The following DCUN1D2 variants were observed in gnomAD, a reference collection of about 807,000 sequenced individuals.
The protein encoded by DCUN1D2 is DCN1-like protein 2.
In DCUN1D2, 29 loss-of-function variants were observed where a neutral mutation model predicts 30.9. The observed-to-expected ratio is 0.94, with a 90% confidence interval of 0.70 to 1.28. DCUN1D2 has a LOEUF of 1.28. Among genes scored for constraint, DCUN1D2 ranks in the 50% most tolerant of loss-of-function variants. DCUN1D2 has a pLI of 0.00. For missense variants in DCUN1D2, 325 were observed against 316.9 expected, an observed-to-expected ratio of 1.03 and a Z score of -0.19; for synonymous variants, 121 against 115.3, an observed-to-expected ratio of 1.05 and a Z score of -0.32.
chr13:113,470,717 TACCCAACTCCACAAGGG>T (rs2044490044), intron 4 of DCUN1D2, among the ~76,000 whole-genome samples: 6 of 45,400 alleles, frequency 1.3e-4, no homozygotes, highest in Admixed American at 2.6e-4. Flanking sequence ...CTCCACAGAA[TACCCAACTCCACAAGGG>T]ACCCAACTCC....
chr13:113,461,392 T>C (rs2044315867), intron 4 of DCUN1D2, among the ~76,000 whole-genome samples: 1 of 152,234 alleles, frequency 6.6e-6, no homozygotes, highest in Admixed American at 6.5e-5. Context: ...CCCTAATTAA[T>C]CAGTTTTGGA....
chr13:113,458,582 G>A (rs1006035240), intron 6 of DCUN1D2, among the ~76,000 whole-genome samples: 4 of 152,228 alleles, frequency 2.6e-5, no homozygotes, highest in African/African-American at 4.8e-5. Flanking sequence ...CCTGGAAGCC[G>A]CGCTTCTGTC....
intron 4 of DCUN1D2, among the ~76,000 whole-genome samples, chr13:113,471,744 G>A (rs550744245): frequency 6.6e-6 from 1 of 152,326 alleles, no homozygotes; most frequent in South Asian, 2.1e-4. Flanking sequence ...AGAAAGTGGA[G>A]CGACACACTT....
At position 113,474,229 on chromosome 13, in the gene DCUN1D2, C is replaced by T; in HGVS notation, c.415G>A (p.Ala139Thr). 1 of 1,613,998 alleles carries T rather than the reference C, an allele frequency of 6.2e-7. No individual in the cohort carries two copies. The highest frequency in any genetic ancestry group is 8.5e-7 in the Non-Finnish European group (1 of 1,179,910). ...LGCDSMEKLK[A>T]LLPRLEQELK... ...TCCTGCTCCAGTCTTGGCAGAAGAG[C>T]CTTTAGCTTCTCCATGCTGTCACAC... The change falls in exon 4 of 7, where the codon GCT (alanine) becomes ACT (threonine). Residue 139 changes from alanine (A) to threonine (T), a missense_variant. Physicochemically the swap from Ala to Thr is moderately conservative, Grantham distance 58. Coordinates refer to ENST00000478244, the MANE Select transcript of DCUN1D2 (RefSeq NM_001014283.2).
rs755361384 is a variant in DCUN1D2 at position 113,459,307 on chromosome 13, G to C, written c.700+5C>G. The C allele has an allele frequency of 6.6e-7, 1 of 1,524,718 alleles. No homozygotes were observed. The highest frequency in any genetic ancestry group is 1.7e-5 in the Admixed American group (1 of 59,780). 94.4% of individuals were successfully genotyped at this position (1,524,718 alleles called of 1,614,324 possible). Reference sequence around the variant, plus strand: ...GTCAATCATCTGAAGCACAACTTCCGGTACCTTCTTCATCGTAGTTAGACA... The same window carrying C: ...GTCAATCATCTGAAGCACAACTTCCCGTACCTTCTTCATCGTAGTTAGACA... On this transcript the variant is annotated splice_donor_5th_base_variant and intron_variant, in intron 6 of 6. Transcript: ENST00000478244.
chr13:113,487,767 A>G (rs1337501957), intron 1 of DCUN1D2, among the ~76,000 whole-genome samples: 1 of 152,236 alleles, frequency 6.6e-6, no homozygotes, highest in Non-Finnish European at 1.5e-5. Context: ...TTTTAGGACT[A>G]GATAGAGGTA....
Position 113,489,260 on chromosome 13 carries a change from A to G in DCUN1D2, c.3+1407T>C, listed in dbSNP as rs891454064. The G allele has an allele frequency of 4.8e-5, 27 of 561,942 alleles. No homozygotes were observed. In the Admixed American group the frequency reaches 1.5e-3, roughly 30 times the overall value. 34.8% of individuals were successfully genotyped at this position (561,942 alleles called of 1,614,324 possible). ...AACGCTCCTCTCCAGCATCCTGAAC[A>G]TGTTCAAGTTTTCCCCAAACTAAGT... On this transcript the variant is annotated intron_variant, in intron 1 of 6. Coordinates refer to ENST00000478244, the MANE Select transcript of DCUN1D2 (RefSeq NM_001014283.2).
intron 4 of DCUN1D2, among the ~76,000 whole-genome samples, chr13:113,471,679 G>A (rs1442186981): frequency 6.6e-6 from 1 of 152,316 alleles, no homozygotes; most frequent in East Asian, 1.9e-4. Flanking sequence ...CAACTTATAA[G>A]ACCAAGAAGA....
At chr13:113,467,391 C>T (rs768315141) in intron 4 of DCUN1D2, among the ~76,000 whole-genome samples, 26 of 151,874 alleles carry the variant, frequency 1.7e-4, no homozygotes, top group Non-Finnish European at 3.5e-4. Flanking sequence ...CTGTGATCAC[C>T]GGTGTAGTCT....
intron 5 of DCUN1D2, among the ~76,000 whole-genome samples, chr13:113,460,543 T>C (rs7985737): frequency 0.44 from 66,328 of 152,016 alleles, 16,816 homozygotes; most frequent in African/African-American, 0.7. Context: ...CTCCAGAGGG[T>C]CCACAAAGGC....
Position 113,480,432 on chromosome 13 carries a change from C to A in DCUN1D2, c.389+143G>T, listed in dbSNP as rs116711846. ...AAAGGAAACCAAAGGCTTGATAGTG[C>A]GGAGAGTACAGACGCATAAGAAATT... On this transcript the variant is annotated intron_variant, in intron 3 of 6. Coordinates refer to ENST00000478244, the MANE Select transcript of DCUN1D2 (RefSeq NM_001014283.2). The A allele has an allele frequency of 2.8e-5, 18 of 653,276 alleles. No homozygotes were observed. The African/African-American group carries it at 3.0e-4, about 11-fold the overall frequency. The allele number at this position is 653,276 out of a possible 1,614,324, so 40.5% of individuals were successfully genotyped here.
intron 3 of DCUN1D2, among the ~76,000 whole-genome samples, chr13:113,480,258 G>A (rs1378554725): frequency 6.6e-6 from 1 of 152,042 alleles, no homozygotes; most frequent in Non-Finnish European, 1.5e-5. Flanking sequence ...ACAGTATTAT[G>A]AAATAACACG....
chr13:113,456,358 G>A lies in DCUN1D2; in HGVS notation c.*1671C>T, dbSNP rs1019529638. The A allele has an allele frequency of 4.3e-5, 17 of 398,798 alleles. No homozygotes were observed. The highest frequency in any genetic ancestry group is 8.2e-5 in the African/African-American group (4 of 48,758). 24.7% of individuals were successfully genotyped at this position (398,798 alleles called of 1,614,324 possible). ...CTCTGCTAAGAAACATCGACAGTTC[G>A]TCCTGCAGCCTCCAAGCACACTAAC... On this transcript the variant is annotated 3_prime_UTR_variant, in exon 7 of 7. Transcript: ENST00000478244.
chr13:113,490,767 G>C (rs921092488), upstream of DCUN1D2: 37 of 1,100,232 alleles, frequency 3.4e-5, no homozygotes, highest in Admixed American at 9.8e-5. This position sits in a 1 kb window ranked among gnomAD's most constrained non-coding sequence, Gnocchi z 5.2. Context: ...CCTCGGCTCC[G>C]GGGCAGTGCC....
At chr13:113,467,855 C>T (rs1263677264) in intron 4 of DCUN1D2, among the ~76,000 whole-genome samples, 1 of 151,528 alleles carries the variant, frequency 6.6e-6, no homozygotes, top group Non-Finnish European at 1.5e-5. Flanking sequence ...ACCAGCCTGA[C>T]CAACATGGAG....
intron 3 of DCUN1D2, among the ~76,000 whole-genome samples, chr13:113,477,334 T>C (rs1197423517): frequency 6.6e-6 from 1 of 152,250 alleles, no homozygotes; most frequent in African/African-American, 2.4e-5. Context: ...TCTATGGGAG[T>C]ATCACACATC....
In DCUN1D2 at chr13:113,482,090, C is replaced by T. The variant is rs60499454; in HGVS notation, c.221-1347G>A. 7.0e-3 allele frequency among the ~76,000 whole-genome samples: 1,060 copies of T among 152,280 alleles called. 17 individuals are homozygous for T. Among genetic ancestry groups the T allele is most frequent in the African/African-American group, 0.024 (1,010 of 41,552 alleles). The stretch of plus-strand genomic sequence containing the variant: ...AATGCTCTGAGCTAATAAACCATCT[C>T]AGTAAATTTCATTACAACCGTGTTC... On this transcript the variant is annotated intron_variant, in intron 2 of 6. Transcript: ENST00000478244.
At chr13:113,458,231 TTG>T (rs1439373432) in intron 6 of DCUN1D2, 123 bp from the exon 7 acceptor site, 3 of 852,224 alleles carry the variant, frequency 3.5e-6, no homozygotes, top group Non-Finnish European at 5.9e-6. Flanking sequence ...TCCACACCAT[TTG>T]TGTTTCACAG....
chr13:113,490,914 G>C (rs1165215490), upstream of DCUN1D2: 1 of 233,884 alleles, frequency 4.3e-6, no homozygotes, highest in African/African-American at 2.3e-5. This position sits in a 1 kb window ranked among gnomAD's most constrained non-coding sequence, Gnocchi z 5.2. Flanking sequence ...TCCAACGCCA[G>C]CCTGCGGCTG....
Sources: allele counts gnomAD v4.1 joint callset (sites outside exome capture counted in the v4.1 genomes callset), GRCh38; gene constraint gnomAD v4.1.1; non-coding constraint Gnocchi (gnomAD v3.1); transcripts MANE v1.5; gene names NCBI Gene and HGNC (gene_info 2026-07-23, HGNC 2026-07-21).